Variants in FCGR2A observed in about 807,000 individuals in gnomAD.
The protein encoded by FCGR2A is Fc gamma receptor IIa, also known as low affinity immunoglobulin gamma Fc region receptor II-a.
FCGR2A carries 18 observed loss-of-function variants against 29.3 expected under a neutral mutation model. The observed-to-expected ratio is 0.62, with a 90% CI of 0.43 to 0.91. The LOEUF (loss-of-function observed/expected upper bound fraction) is 0.91, where lower values mean the gene tolerates loss of function less well. Ranked by LOEUF, FCGR2A falls within the 40% of genes least tolerant of loss-of-function variation. FCGR2A has a pLI of 0.00. For synonymous variants in FCGR2A, 126 were observed against 144.8 expected (o/e 0.87, Z 0.93); for missense variants, 287 against 393.0 (o/e 0.73, Z 2.28).
chr1:161,522,360 A>C (rs1484475822), downstream of FCGR2A, among the ~76,000 whole-genome samples: 1 of 152,114 alleles, frequency 6.6e-6, no homozygotes, highest in African/African-American at 2.4e-5. Flanking sequence ...GAAGTGAGTG[A>C]TATTGGAAGC....
chr1:161,521,369 C>A (rs1188406673), downstream of FCGR2A, among the ~76,000 whole-genome samples: 3 of 151,880 alleles, frequency 2.0e-5, no homozygotes, highest in African/African-American at 2.4e-5. Context: ...CGTTTGAAAT[C>A]AGAGACTTTA....
At chr1:161,519,974 A>G (rs959576883), downstream of FCGR2A, 1 of 151,866 alleles carries the variant, frequency 6.6e-6, no homozygotes, top group African/African-American at 2.4e-5. Context: ...CATGACCCAC[A>G]GTCTCCTTGA....
At chr1:161,523,958 C>T (rs41297674), downstream of FCGR2A, 2 of 153,648 alleles carry the variant, frequency 1.3e-5, no homozygotes, top group African/African-American at 4.8e-5. Flanking sequence ...TCTTAAAGCT[C>T]ACTATCTCTG....
chr1:161,511,071 C>T, intron 5 of FCGR2A, 115 bp downstream of exon 5: 1 of 1,468,786 alleles, frequency 6.8e-7, no homozygotes, highest in Non-Finnish European at 9.5e-7. Context: ...GATCTAGGCC[C>T]ACCTTTTATT....
chr1:161,506,833 G>C (rs1675444804), intron 3 of FCGR2A: 4 of 749,480 alleles, frequency 5.3e-6, no homozygotes, highest in Non-Finnish European at 6.2e-6. Flanking sequence ...TCTTGATTGA[G>C]CAAGGGGGTT....
At position 161,505,497 on chromosome 1, in the gene FCGR2A, T is replaced by G. The variant is rs141594049; in HGVS notation, c.30T>G (p.Asn10Lys). 1.4e-5 allele frequency: 22 copies of G among 1,614,146 alleles called. No individual in the cohort carries two copies. The African/African-American group carries it at 1.5e-4, about 11-fold the overall frequency. The change falls in exon 1 of 7, where the codon AAT (asparagine) becomes AAG (lysine). Residue 10 changes from asparagine (N) to lysine (K), a missense_variant. By Grantham distance (94) the Asn-to-Lys change is moderately conservative (BLOSUM62 0). This residue lies in a region of FCGR2A where 181 missense variants were observed against 250.9 expected (regional missense o/e 0.72). Transcript: ENST00000271450. The stretch of plus-strand genomic sequence containing the variant: ...CTATGGAGACCCAAATGTCTCAGAA[T>G]GTATGTCCCAGAAACCTGTGGCTGC... MTMETQMSQ[N>K]VCPRNLWLLQ...
chr1:161,506,272 T>A, intron 2 of FCGR2A, 62 bp from the exon 3 acceptor site: 1 of 1,597,596 alleles, frequency 6.3e-7, no homozygotes, highest in East Asian at 2.2e-5. Context: ...TGGGAGCTCC[T>A]TTGGCATCCA....
At chr1:161,513,676 C>T in intron 5 of FCGR2A, 1 of 612,516 alleles carries the variant, frequency 1.6e-6, no homozygotes, top group East Asian at 2.8e-5. Flanking sequence ...TGACTGCTTC[C>T]CTCCACCAGT....
At chr1:161,511,857 G>A (rs1376058483) in intron 5 of FCGR2A, among the ~76,000 whole-genome samples, 2 of 152,232 alleles carry the variant, frequency 1.3e-5, no homozygotes, top group Non-Finnish European at 2.9e-5. Context: ...TTCAGTGATG[G>A]CTCACCAGGG....
At chr1:161,521,508 T>TAC (rs1172158638), downstream of FCGR2A, among the ~76,000 whole-genome samples, 2 of 151,392 alleles carry the variant, frequency 1.3e-5, no homozygotes, top group African/African-American at 4.9e-5. Context: ...CTTTTATATA[T>TAC]ATATAGTTTG....
Position 161,518,208 on chromosome 1 carries a change from G to A in FCGR2A, c.*60G>A, listed in dbSNP as rs1676263223. 1 of 1,574,388 alleles carries A rather than the reference G, an allele frequency of 6.4e-7. No homozygotes were observed. The highest frequency in any genetic ancestry group is 1.2e-5 in the South Asian group (1 of 84,686). ...CTTGCTGAGTGGATGACAAAAAGAG[G>A]GGAATTGTTAAAGGAAAATTTAAAT... On this transcript the variant is annotated 3_prime_UTR_variant, in exon 7 of 7. Transcript: ENST00000271450.
At chr1:161,523,828 G>C (rs41297650), downstream of FCGR2A, 1 of 149,788 alleles carries the variant, frequency 6.7e-6, no homozygotes, top group Admixed American at 6.7e-5. Flanking sequence ...AATTGAAATG[G>C]ATCGGAAAAA....
rs546275651 is a variant in FCGR2A at position 161,517,227 on chromosome 1, C to T, written c.781-748C>T. On this transcript the variant is annotated intron_variant, in intron 6 of 6. Transcript: ENST00000271450. ...TGAGCAAGTTAGCCTCAATAGCACC[C>T]CAAAATAGAAGTTCTTGATATCTTA... Among the ~76,000 whole-genome samples, 279 of 151,920 alleles carry T rather than the reference C, an allele frequency of 1.8e-3. 2 individuals carry two copies. Among genetic ancestry groups the T allele is most frequent in the Non-Finnish European group, 3.2e-3 (217 of 67,934 alleles).
At chr1:161,508,475 T>A (rs542570722) in intron 3 of FCGR2A, among the ~76,000 whole-genome samples, 1 of 151,568 alleles carries the variant, frequency 6.6e-6, no homozygotes, top group South Asian at 2.1e-4. Context: ...GTAATCCAGC[T>A]ACTCAGGAGG....
chr1:161,505,686 A>G (rs1487441386), intron 1 of FCGR2A, 134 bp downstream of exon 1: 5 of 799,044 alleles, frequency 6.3e-6, no homozygotes, highest in Non-Finnish European at 1.1e-5. Flanking sequence ...AGGACCCTGA[A>G]TTCTTAAGTG....
chr1:161,523,861 A>G (rs1189459250), downstream of FCGR2A: 6 of 152,026 alleles, frequency 3.9e-5, no homozygotes, highest in Non-Finnish European at 8.8e-5. Flanking sequence ...TTGGCCGGGA[A>G]TCGAACCCGG....
At chr1:161,523,206 C>T (rs1340875773), downstream of FCGR2A, 2 of 152,132 alleles carry the variant, frequency 1.3e-5, no homozygotes, top group Non-Finnish European at 2.9e-5. Context: ...GGTCGATTCC[C>T]CGACGGGGAG....
intron 5 of FCGR2A, chr1:161,513,660 C>T: frequency 3.4e-6 from 2 of 594,010 alleles, no homozygotes; most frequent in Non-Finnish European, 6.0e-6. Flanking sequence ...AAGAGTGTGG[C>T]CCAAGTGACT....
downstream of FCGR2A, chr1:161,522,792 C>G (rs1164760011): frequency 6.6e-6 from 1 of 152,002 alleles, no homozygotes; most frequent in Non-Finnish European, 1.5e-5. Context: ...ATCACCTTAC[C>G]AGTACGGCTG....
Sources: allele counts gnomAD v4.1 joint callset (sites outside exome capture counted in the v4.1 genomes callset), GRCh38; gene constraint gnomAD v4.1.1; regional missense constraint gnomAD v4.1.1; transcripts MANE v1.5; gene names NCBI Gene and HGNC (gene_info 2026-07-23, HGNC 2026-07-21).